Variants in ASNS observed in about 807,000 individuals in gnomAD.
ASNS encodes asparagine synthetase [glutamine-hydrolyzing].
In ASNS, 37 loss-of-function variants were observed where a neutral mutation model predicts 62.6. The ratio of observed to expected loss-of-function variants is 0.59; its 90% CI spans 0.45 to 0.78. The LOEUF is 0.78. Ranked by LOEUF, ASNS falls within the 30% of genes least tolerant of loss-of-function variation. The pLI is 0.00. For synonymous variants in ASNS, 207 were observed against 237.9 expected, an observed-to-expected ratio of 0.87 and a Z score of 1.19; for missense variants, 520 against 682.4, an observed-to-expected ratio of 0.76 and a Z score of 2.65.
chr7:97,911,274 T>TA, the ASNS span, among the ~76,000 whole-genome samples: 2 of 152,146 alleles, frequency 1.3e-5, no homozygotes, highest in Admixed American at 6.6e-5. Context: ...ATGTGATGGG[T>TA]ATATGATAGC....
At chr7:97,854,384 A>G (rs1791328376) in intron 10 of ASNS, among the ~76,000 whole-genome samples, 196 bp downstream of exon 10, 1 of 152,218 alleles carries the variant, frequency 6.6e-6, no homozygotes, top group South Asian at 2.1e-4. Context: ...AATGTGGCCT[A>G]ATCCTTTTGG....
chr7:97,897,331 C>T, the ASNS span, among the ~76,000 whole-genome samples: 3 of 152,178 alleles, frequency 2.0e-5, no homozygotes, highest in Non-Finnish European at 1.5e-5. Context: ...CCATCCGGTA[C>T]GTAGTGATGG....
intron 3 of ASNS, among the ~76,000 whole-genome samples, chr7:97,866,512 G>A (rs560377883): frequency 2.2e-4 from 34 of 152,270 alleles, no homozygotes; most frequent in Admixed American, 4.6e-4. Flanking sequence ...CACCATCAAC[G>A]GCAAACTATG....
chr7:97,855,093 T>A, intron 9 of ASNS: 1 of 400,200 alleles, frequency 2.5e-6, no homozygotes, highest in Non-Finnish European at 4.5e-6. Context: ...TCCTCCCACC[T>A]CAGCCTCCTC....
At chr7:97,897,781 G>A in the ASNS span, among the ~76,000 whole-genome samples, 1 of 152,186 alleles carries the variant, frequency 6.6e-6, no homozygotes, top group Non-Finnish European at 1.5e-5. Flanking sequence ...AGATATCAGT[G>A]TATCAACGGG....
chr7:97,902,380 T>C, the ASNS span, among the ~76,000 whole-genome samples: 1 of 152,146 alleles, frequency 6.6e-6, no homozygotes, highest in South Asian at 2.1e-4. Flanking sequence ...TAAAGAAATG[T>C]GCACATAGAA....
the ASNS span, chr7:97,906,298 C>T: frequency 2.8e-3 from 1,154 of 419,042 alleles, 1 homozygote; most frequent in Non-Finnish European, 4.2e-3. Flanking sequence ...GCAAAACCAT[C>T]TCTTGAGTGG....
Position 97,853,267 on chromosome 7 carries a change from T to C in ASNS, c.1320+38A>G, listed in dbSNP as rs751998909. 25 of 1,611,774 alleles carry C rather than the reference T, an allele frequency of 1.6e-5. No homozygotes were observed. The South Asian group carries it at 2.8e-4, about 18-fold the overall frequency. On this transcript the variant is annotated intron_variant, in intron 11 of 12. Coordinates refer to ENST00000394308, the MANE Select transcript of ASNS (RefSeq NM_001673.5). ...GGTAAAAATTACAAATATAATCTGA[T>C]GGCAATGGACAGTTTTACCTTGAGT...
In ASNS at chr7:97,854,132, C is replaced by G. The variant is rs936898043; in HGVS notation, c.1238+448G>C. On this transcript the variant is annotated intron_variant, in intron 10 of 12. Coordinates refer to ENST00000394308, the MANE Select transcript of ASNS (RefSeq NM_001673.5). ...TCAAACCCCTTGTATCTTCACTACT[C>G]TATTCCCTCAGGGTCACTACAGCAC... Among the ~76,000 whole-genome samples, 46 of 152,226 alleles carry G rather than the reference C, an allele frequency of 3.0e-4. 1 individual carries two copies. The highest frequency in any genetic ancestry group is 1.0e-3 in the African/African-American group (42 of 41,460).
rs1260205215 is a variant in ASNS at position 97,851,906 on chromosome 7, A to G, written c.*353T>C. On this transcript the variant is annotated 3_prime_UTR_variant, in exon 13 of 13. Coordinates refer to ENST00000394308, the MANE Select transcript of ASNS (RefSeq NM_001673.5). ...AGAACAAAAATAGTGTAGTCCTTTG[A>G]TGACGTCCCTAAGATGAGGCAAGGA... 4 of 271,642 alleles carry G rather than the reference A, an allele frequency of 1.5e-5. No individual in the cohort carries two copies. 16.8% of individuals were successfully genotyped at this position (271,642 alleles called of 1,614,324 possible). A position where few individuals can be genotyped will look rare whatever the true frequency, so the allele number is the denominator to read the frequency against.
chr7:97,905,244 T>C, the ASNS span, among the ~76,000 whole-genome samples: 1 of 152,190 alleles, frequency 6.6e-6, no homozygotes, highest in African/African-American at 2.4e-5. Flanking sequence ...TTGCTTTACC[T>C]TCCTGCTCAG....
chr7:97,868,712 T>A (rs1792098047), intron 3 of ASNS, among the ~76,000 whole-genome samples, 196 bp downstream of exon 3: 1 of 152,224 alleles, frequency 6.6e-6, no homozygotes. Flanking sequence ...CCCATTTTTA[T>A]CACTTTTTTT....
At chr7:97,893,996 A>C in the ASNS span, among the ~76,000 whole-genome samples, 83 of 152,408 alleles carry the variant, frequency 5.4e-4, no homozygotes, top group African/African-American at 1.8e-3. Context: ...GGCTCAATAA[A>C]ATTTTAAAAA....
chr7:97,858,961 A>AAC lies in ASNS; in HGVS notation c.674-8_674-7dup. 1 of 1,602,770 alleles carries AAC rather than the reference A, an allele frequency of 6.2e-7. No individual in the cohort carries two copies. Among genetic ancestry groups the AAC allele is most frequent in the Non-Finnish European group, 8.5e-7 (1 of 1,176,258 alleles). On this transcript the variant is annotated splice_polypyrimidine_tract_variant and splice_region_variant and intron_variant, in intron 5 of 12. Transcript: ENST00000394308. The stretch of plus-strand genomic sequence containing the variant: ...CACAGTTTCTATCTCAAAACCTATA[A>AAC]ACACAGCAGTAAATCAAACAGCTCC...
intron 1 of ASNS, chr7:97,870,108 C>A: frequency 2.5e-6 from 1 of 403,022 alleles, no homozygotes; most frequent in Non-Finnish European, 4.2e-6. Context: ...AAATTCTCAA[C>A]TGTGAAATAA....
the ASNS span, among the ~76,000 whole-genome samples, chr7:97,922,552 C>T: frequency 6.6e-6 from 1 of 152,084 alleles, no homozygotes; most frequent in African/African-American, 2.4e-5. Flanking sequence ...ATAACATACA[C>T]TTGGAAATCA....
the ASNS span, among the ~76,000 whole-genome samples, chr7:97,896,702 GTATA>G: frequency 0.065 from 4,128 of 63,138 alleles, 217 homozygotes; most frequent in Non-Finnish European, 0.089. Flanking sequence ...GTATATATGT[GTATA>G]TATATACACA....
chr7:97,863,659 CA>C (rs1215100851), intron 4 of ASNS: 2 of 152,584 alleles, frequency 1.3e-5, no homozygotes, highest in African/African-American at 4.8e-5. Context: ...GGCGACTGAG[CA>C]AGACCCCATC....
intron 8 of ASNS, 126 bp from the exon 9 acceptor site, chr7:97,855,585 A>C (rs1791398597): frequency 3.6e-6 from 2 of 558,474 alleles, no homozygotes; most frequent in African/African-American, 3.7e-5. Context: ...AATATAAAGT[A>C]GTTTCCACAA....
Sources: gnomAD v4.1 joint callset for allele counts (sites outside exome capture counted in the v4.1 genomes callset) on GRCh38, gnomAD v4.1.1 for gene constraint, MANE v1.5 for transcripts, NCBI Gene and HGNC (gene_info 2026-07-23, HGNC 2026-07-21) for gene names.